The following ITPR2 variants were observed in gnomAD, a reference collection of about 807,000 sequenced individuals.
The protein encoded by ITPR2 is inositol 1,4,5-trisphosphate receptor type 2.
In ITPR2, 207 loss-of-function variants were observed where a neutral mutation model predicts 317.1. The observed-to-expected ratio is 0.65, with a 90% CI of 0.58 to 0.73. ITPR2 has a LOEUF of 0.73. Ranked by LOEUF, ITPR2 falls within the 30% of genes least tolerant of loss-of-function variation. ITPR2 has a pLI of 0.00. For missense variants in ITPR2, 2,613 were observed against 3,284.0 expected, an observed-to-expected ratio of 0.80 and a Z score of 4.99; for synonymous variants, 1,156 against 1,149.1, an observed-to-expected ratio of 1.01 and a Z score of -0.12.
At chr12:26,349,087 G>A (rs1402855907) in intron 55 of ITPR2, among the ~76,000 whole-genome samples, 1 of 152,186 alleles carries the variant, frequency 6.6e-6, no homozygotes, top group Non-Finnish European at 1.5e-5. Flanking sequence ...GGTAGAGACT[G>A]TAGTGAGCTA....
intron 13 of ITPR2, among the ~76,000 whole-genome samples, chr12:26,670,814 C>T (rs373491536): frequency 6.6e-6 from 1 of 152,032 alleles, no homozygotes; most frequent in African/African-American, 2.4e-5. Context: ...AAAATTTAGA[C>T]GAATGTATAA....
intron 8 of ITPR2, among the ~76,000 whole-genome samples, chr12:26,712,978 C>T (rs547908408): frequency 2.4e-4 from 36 of 152,356 alleles, no homozygotes; most frequent in African/African-American, 7.9e-4. Context: ...TGCTCCCCTG[C>T]ATCACAGGGG....
chr12:26,391,432 G>A (rs1481197637), intron 54 of ITPR2, among the ~76,000 whole-genome samples: 2 of 152,046 alleles, frequency 1.3e-5, no homozygotes, highest in Non-Finnish European at 2.9e-5. Flanking sequence ...TGGTGTGGCA[G>A]AAAGGGAACA....
chr12:26,695,686 T>C, intron 9 of ITPR2, 36 bp from the exon 10 acceptor site: 1 of 1,408,498 alleles, frequency 7.1e-7, no homozygotes, highest in Non-Finnish European at 1.0e-6. Context: ...TTTTCATTGC[T>C]ATGAAAAGCA....
intron 49 of ITPR2, among the ~76,000 whole-genome samples, chr12:26,425,977 A>T (rs1941048125): frequency 6.6e-6 from 1 of 152,218 alleles, no homozygotes; most frequent in South Asian, 2.1e-4. Context: ...CCCAGTAGAC[A>T]TTAGAATGTT....
At chr12:26,434,151 C>T (rs186135745) in intron 48 of ITPR2, among the ~76,000 whole-genome samples, 3 of 152,102 alleles carry the variant, frequency 2.0e-5, no homozygotes, top group East Asian at 1.9e-4. Context: ...CCTTTTTTAA[C>T]GACCAGTTGC....
chr12:26,406,167 T>C (rs555143785), intron 52 of ITPR2, among the ~76,000 whole-genome samples: 1 of 152,214 alleles, frequency 6.6e-6, no homozygotes, highest in Admixed American at 6.5e-5. Context: ...AGCCAAAATG[T>C]AGAATGCATT....
chr12:26,394,256 C>A (rs1939927945), intron 54 of ITPR2, among the ~76,000 whole-genome samples: 1 of 152,152 alleles, frequency 6.6e-6, no homozygotes, highest in African/African-American at 2.4e-5. Context: ...CCTATGACTA[C>A]TTGTCTATAA....
In ITPR2 at chr12:26,361,377, C is replaced by T. The variant is rs1938826571; in HGVS notation, c.7858-21049G>A. Among the ~76,000 whole-genome samples, 5 of 152,094 alleles carry T rather than the reference C, an allele frequency of 3.3e-5. 1 individual carries two copies. Among genetic ancestry groups the T allele is most frequent in the Admixed American group, 3.3e-4 (5 of 15,270 alleles). Reference sequence around the variant, plus strand: ...GGTTTATATATCATATAAGATTTATCACAATATCCTCTCATTCCTGTTGCT... The same window carrying T: ...GGTTTATATATCATATAAGATTTATTACAATATCCTCTCATTCCTGTTGCT... On this transcript the variant is annotated intron_variant, in intron 55 of 56. Coordinates refer to ENST00000381340, the MANE Select transcript of ITPR2 (RefSeq NM_002223.4).
intron 55 of ITPR2, among the ~76,000 whole-genome samples, chr12:26,368,016 T>C (rs1939064594): frequency 6.6e-6 from 1 of 152,202 alleles, no homozygotes; most frequent in East Asian, 1.9e-4. Flanking sequence ...TGAACCATGC[T>C]CTTCTGATTA....
chr12:26,360,662 T>C (rs1387005720), intron 55 of ITPR2, among the ~76,000 whole-genome samples: 1 of 152,196 alleles, frequency 6.6e-6, no homozygotes, highest in Non-Finnish European at 1.5e-5. Context: ...AAATGGATGG[T>C]CTTGCCAACG....
At chr12:26,518,869 T>A (rs1052383179) in intron 37 of ITPR2, among the ~76,000 whole-genome samples, 1 of 151,964 alleles carries the variant, frequency 6.6e-6, no homozygotes, top group East Asian at 1.9e-4. Flanking sequence ...CAGAAAAAAA[T>A]TAAATGATCA....
At position 26,380,142 on chromosome 12, in the gene ITPR2, AAC is replaced by A. The variant is rs779219845; in HGVS notation, c.7857+7290_7857+7291del. ...CTCACTTCCAGCACCAAAGTCTAAC[AAC>A]CTAAGCACTGGACCAGAATCCTTAA... On this transcript the variant is annotated intron_variant, in intron 55 of 56. Coordinates refer to ENST00000381340, the MANE Select transcript of ITPR2 (RefSeq NM_002223.4). Among the ~76,000 whole-genome samples, 10 of 152,192 alleles carry A rather than the reference AAC, an allele frequency of 6.6e-5. 1 individual carries two copies. The South Asian group carries it at 1.0e-3, about 16-fold the overall frequency.
At chr12:26,589,109 T>C (rs1945618804) in intron 32 of ITPR2, among the ~76,000 whole-genome samples, 1 of 152,174 alleles carries the variant, frequency 6.6e-6, no homozygotes, top group East Asian at 1.9e-4. Context: ...TGGGCTGTCA[T>C]TAAATGCTCT....
chr12:26,382,181 G>A (rs572961608), intron 55 of ITPR2, among the ~76,000 whole-genome samples: 13 of 151,984 alleles, frequency 8.6e-5, no homozygotes, highest in South Asian at 6.2e-4. Flanking sequence ...CTGTATGGTC[G>A]CTCCTTTTCC....
chr12:26,598,359 T>C (rs1945902676), intron 30 of ITPR2, among the ~76,000 whole-genome samples: 1 of 152,216 alleles, frequency 6.6e-6, no homozygotes, highest in African/African-American at 2.4e-5. Context: ...ATTTAAGGTA[T>C]GTCATAATGA....
intron 44 of ITPR2, 34 bp from the exon 45 acceptor site, chr12:26,475,452 G>A: frequency 6.3e-7 from 1 of 1,598,464 alleles, no homozygotes. Flanking sequence ...TGAAATGCCA[G>A]AAACAACATC....
At chr12:26,602,771 G>T in intron 26 of ITPR2, 65 bp from the exon 27 acceptor site, 2 of 664,610 alleles carry the variant, frequency 3.0e-6, no homozygotes, top group Non-Finnish European at 2.4e-6. Context: ...TATTTCTTTT[G>T]TATTAAATAA....
intron 37 of ITPR2, among the ~76,000 whole-genome samples, chr12:26,506,926 T>G (rs1478125591): frequency 1.3e-5 from 2 of 151,670 alleles, no homozygotes; most frequent in East Asian, 3.8e-4. Flanking sequence ...AAAATATGTT[T>G]GAATGTGTCA....
Sources: allele counts gnomAD v4.1 joint callset (sites outside exome capture counted in the v4.1 genomes callset), GRCh38; gene constraint gnomAD v4.1.1; transcripts MANE v1.5; gene names NCBI Gene and HGNC (gene_info 2026-07-23, HGNC 2026-07-21).